Variants in SLC24A3 observed in about 807,000 individuals in gnomAD.
SLC24A3 encodes solute carrier family 24 member 3.
A neutral mutation model predicts 75.8 loss-of-function variants in SLC24A3; 28 were observed. The observed-to-expected ratio is 0.37, with a 90% CI of 0.27 to 0.51. SLC24A3 has a LOEUF of 0.51. SLC24A3 is among the 20% of genes least tolerant of loss of function. The pLI, the probability that SLC24A3 is intolerant of heterozygous loss-of-function variation, is 0.94. For missense variants in SLC24A3, 663 were observed against 847.8 expected (o/e 0.78, Z 2.71); for synonymous variants, 372 against 334.1 (o/e 1.11, Z -1.24).
At chr20:19,331,283 T>C (rs1018244593) in intron 2 of SLC24A3, among the ~76,000 whole-genome samples, 1 of 152,104 alleles carries the variant, frequency 6.6e-6, no homozygotes, top group Non-Finnish European at 1.5e-5. Context: ...TTGAAGTATT[T>C]AAGGGTGAGG....
chr20:19,637,266 A>G (rs1471871354), intron 6 of SLC24A3, among the ~76,000 whole-genome samples: 5 of 152,230 alleles, frequency 3.3e-5, no homozygotes, highest in African/African-American at 1.2e-4. Flanking sequence ...GTGCCACTGC[A>G]CTCCAGCCTG....
chr20:19,496,359 T>C (rs1988287297), intron 2 of SLC24A3, among the ~76,000 whole-genome samples: 1 of 152,132 alleles, frequency 6.6e-6, no homozygotes, highest in Non-Finnish European at 1.5e-5. Flanking sequence ...TGGAGTGATG[T>C]GCATGGTTCA....
chr20:19,616,927 A>T (rs1239073293), intron 6 of SLC24A3, among the ~76,000 whole-genome samples: 1 of 152,182 alleles, frequency 6.6e-6, no homozygotes, highest in Non-Finnish European at 1.5e-5. Context: ...TCCGTTGGGC[A>T]GAAGAACCAT....
intron 2 of SLC24A3, among the ~76,000 whole-genome samples, chr20:19,427,055 G>T (rs549196405): frequency 3.5e-4 from 53 of 152,270 alleles, no homozygotes; most frequent in African/African-American, 1.2e-3. Flanking sequence ...GCCTGTGTGT[G>T]CGTGTGTGTG....
At chr20:19,506,209 T>A (rs1988460289) in intron 2 of SLC24A3, among the ~76,000 whole-genome samples, 1 of 152,200 alleles carries the variant, frequency 6.6e-6, no homozygotes, top group African/African-American at 2.4e-5. Context: ...GGTAAGCAAA[T>A]GTCACCACAT....
At chr20:19,331,729 C>T (rs1029676379) in intron 2 of SLC24A3, among the ~76,000 whole-genome samples, 2 of 152,152 alleles carry the variant, frequency 1.3e-5, no homozygotes, top group African/African-American at 4.8e-5. Context: ...TGCTGTGAGC[C>T]ACACAGACAA....
At chr20:19,620,180 T>A (rs999030374) in intron 6 of SLC24A3, among the ~76,000 whole-genome samples, 3 of 152,208 alleles carry the variant, frequency 2.0e-5, no homozygotes, top group African/African-American at 7.2e-5. Flanking sequence ...AATCCACCCA[T>A]GACACCTTTA....
chr20:19,693,574 G>A, intron 13 of SLC24A3, 149 bp downstream of exon 13: 1 of 992,424 alleles, frequency 1.0e-6, no homozygotes, highest in Non-Finnish European at 1.4e-6. Context: ...TAGTAGTTTA[G>A]AATTGCAGGC....
At position 19,212,954 on chromosome 20, in the gene SLC24A3, TG is replaced by T; in HGVS notation, c.114del (p.Trp38CysfsTer18). On this transcript the variant is annotated frameshift_variant, in exon 1 of 17. Transcript: ENST00000328041. LOFTEE classifies it high-confidence loss of function. ...CCTGGCCTCGGTGGCGCTGCTGCTCTGGTCGCTGTCGAGCCTGCGAGAGCAG... is the reference window on the plus strand; with the variant it reads ...CCTGGCCTCGGTGGCGCTGCTGCTCTGTCGCTGTCGAGCCTGCGAGAGCAG... ...CFLASVALLL[W>X]SLSSLREQKE... 7.6e-7 allele frequency: 1 copy of T among 1,324,120 alleles called. No individual in the cohort carries two copies. Among genetic ancestry groups the T allele is most frequent in the Non-Finnish European group, 9.7e-7 (1 of 1,034,354 alleles). 82.0% of individuals were successfully genotyped at this position (1,324,120 alleles called of 1,614,324 possible).
chr20:19,517,797 G>A (rs781097834), intron 3 of SLC24A3, among the ~76,000 whole-genome samples: 10 of 152,164 alleles, frequency 6.6e-5, no homozygotes, highest in Non-Finnish European at 1.5e-4. Context: ...GTAGGGAAGA[G>A]ACCCAAGTGG....
chr20:19,229,509 C>T (rs2122145402), intron 1 of SLC24A3, among the ~76,000 whole-genome samples: 1 of 152,156 alleles, frequency 6.6e-6, no homozygotes, highest in East Asian at 1.9e-4. Context: ...GTCATGCAGT[C>T]ATTATTGGTA....
intron 1 of SLC24A3, among the ~76,000 whole-genome samples, chr20:19,239,589 C>G (rs1451675927): frequency 6.6e-6 from 1 of 152,216 alleles, no homozygotes; most frequent in African/African-American, 2.4e-5. Flanking sequence ...CTTTCTTCCT[C>G]CATTCACTTC....
At chr20:19,603,297 T>C (rs934363203) in intron 6 of SLC24A3, among the ~76,000 whole-genome samples, 1 of 152,240 alleles carries the variant, frequency 6.6e-6, no homozygotes, top group East Asian at 1.9e-4. Context: ...GATGCAGCTG[T>C]GGGGTCAGAC....
chr20:19,533,519 A>G (rs542891677), intron 3 of SLC24A3, among the ~76,000 whole-genome samples: 2 of 152,318 alleles, frequency 1.3e-5, no homozygotes, highest in African/African-American at 4.8e-5. Context: ...GGCAATACCT[A>G]TGTGGAGCCA....
chr20:19,616,985 G>A (rs1044398427), intron 6 of SLC24A3, among the ~76,000 whole-genome samples: 3 of 152,122 alleles, frequency 2.0e-5, no homozygotes, highest in South Asian at 2.1e-4. Context: ...TTTGTTGAGT[G>A]CCTGTTTGTA....
At chr20:19,481,752 G>A (rs1270902861) in intron 2 of SLC24A3, among the ~76,000 whole-genome samples, 1 of 152,110 alleles carries the variant, frequency 6.6e-6, no homozygotes, top group African/African-American at 2.4e-5. Flanking sequence ...GAGAGCCCGG[G>A]GAGTGCTCCC....
chr20:19,370,598 G>A (rs931399354), intron 2 of SLC24A3, among the ~76,000 whole-genome samples: 1 of 152,242 alleles, frequency 6.6e-6, no homozygotes, highest in African/African-American at 2.4e-5. Flanking sequence ...TTTTGAAAAG[G>A]TTGGAGAATG....
intron 2 of SLC24A3, among the ~76,000 whole-genome samples, chr20:19,337,233 T>C (rs897408673): frequency 3.6e-4 from 54 of 152,068 alleles, no homozygotes; most frequent in African/African-American, 1.2e-3. Context: ...TCACTTGAGG[T>C]CAGGAGTTCG....
chr20:19,353,457 A>G (rs1985616695), intron 2 of SLC24A3, among the ~76,000 whole-genome samples: 1 of 152,200 alleles, frequency 6.6e-6, no homozygotes, highest in Non-Finnish European at 1.5e-5. Context: ...GGTGACAAAT[A>G]TGTCATCAGA....
Sources: gnomAD v4.1 joint callset for allele counts (sites outside exome capture counted in the v4.1 genomes callset) on GRCh38, gnomAD v4.1.1 for gene constraint, MANE v1.5 for transcripts, NCBI Gene and HGNC (gene_info 2026-07-23, HGNC 2026-07-21) for gene names.